IL1RAPL1: variants seen among roughly 807,000 people sequenced by gnomAD.
IL1RAPL1 encodes interleukin 1 receptor accessory protein like 1.
Under a neutral mutation model 48.4 loss-of-function variants are expected in IL1RAPL1, and 3 were observed. The ratio of observed to expected loss-of-function variants is 0.06; its 90% CI spans 0.03 to 0.16. IL1RAPL1 has a LOEUF of 0.16. Among genes scored for constraint, IL1RAPL1 ranks in the 10% least tolerant of loss-of-function variants. The pLI, the probability that IL1RAPL1 is intolerant of heterozygous loss-of-function variation, is 1.00. For synonymous variants in IL1RAPL1, 185 were observed against 187.7 expected (o/e 0.99, Z 0.12); for missense variants, 349 against 530.6 (o/e 0.66, Z 3.36).
intron 2 of IL1RAPL1, among the ~76,000 whole-genome samples, chrX:29,164,572 A>C (rs1441344065): frequency 9.0e-6 from 1 of 111,635 alleles, no homozygotes; most frequent in African/African-American, 3.3e-5. Flanking sequence ...TCCACATACT[A>C]TAAGAAGCCT....
chrX:29,158,596 C>T (rs982428761), intron 2 of IL1RAPL1, among the ~76,000 whole-genome samples: 2 of 110,673 alleles, frequency 1.8e-5, no homozygotes, highest in Non-Finnish European at 3.8e-5. Flanking sequence ...AGGCTGGTCT[C>T]GAACTCCTGA....
chrX:29,262,311 TG>T (rs1330010486), intron 2 of IL1RAPL1, among the ~76,000 whole-genome samples: 1 of 112,040 alleles, frequency 8.9e-6, no homozygotes, highest in Non-Finnish European at 1.9e-5. Flanking sequence ...ATTACCTCTT[TG>T]GTATATGAGT....
intron 6 of IL1RAPL1, among the ~76,000 whole-genome samples, chrX:29,876,663 T>A (rs184433917): frequency 2.1e-3 from 228 of 110,420 alleles, no homozygotes; most frequent in Non-Finnish European, 3.6e-3. Context: ...TGTAGTAGAG[T>A]GACCCAGCAA....
intron 5 of IL1RAPL1, among the ~76,000 whole-genome samples, chrX:29,404,912 TG>T (rs144210609): frequency 0.47 from 51,500 of 110,121 alleles, 8,868 homozygotes; most frequent in Admixed American, 0.56. Context: ...TTTGTTTGTT[TG>T]TTTGTTTTGT....
At chrX:29,540,671 G>A (rs1921409112) in intron 5 of IL1RAPL1, among the ~76,000 whole-genome samples, 1 of 111,501 alleles carries the variant, frequency 9.0e-6, no homozygotes, top group African/African-American at 3.3e-5. Context: ...ACAAAAATAA[G>A]CAATGGGGAA....
intron 3 of IL1RAPL1, among the ~76,000 whole-genome samples, chrX:29,320,721 A>G (rs534405520): frequency 1.8e-5 from 2 of 110,238 alleles, no homozygotes; most frequent in South Asian, 3.9e-4. Context: ...AGTCGAGATC[A>G]TGCCGCTGCA....
intron 1 of IL1RAPL1, among the ~76,000 whole-genome samples, chrX:28,761,836 C>T (rs1285790147): frequency 8.9e-6 from 1 of 111,922 alleles, no homozygotes; most frequent in Non-Finnish European, 1.9e-5. Context: ...AAAGAAAAAA[C>T]GGAGATAGTT....
chrX:29,802,809 A>ATATATATATATG (rs1225063433), intron 6 of IL1RAPL1, among the ~76,000 whole-genome samples: 1 of 46,811 alleles, frequency 2.1e-5, no homozygotes, highest in African/African-American at 1.2e-4. Flanking sequence ...ATATATATAT[A>ATATATATATATG]TGTGTGTATA....
chrX:29,691,225 T>G (rs754868422), intron 6 of IL1RAPL1, among the ~76,000 whole-genome samples: 5 of 111,810 alleles, frequency 4.5e-5, no homozygotes, highest in Non-Finnish European at 7.5e-5. Flanking sequence ...CCAGCTCATT[T>G]AAGTGCATTT....
intron 5 of IL1RAPL1, among the ~76,000 whole-genome samples, chrX:29,661,140 G>A (rs776624649): frequency 8.9e-6 from 1 of 111,995 alleles, no homozygotes; most frequent in South Asian, 3.7e-4. Context: ...TTTGTGTATA[G>A]AAATGCTACT....
chrX:29,916,091 A>G (rs1448945905), intron 6 of IL1RAPL1, among the ~76,000 whole-genome samples: 1 of 99,260 alleles, frequency 1.0e-5, no homozygotes, highest in East Asian at 3.2e-4. Context: ...ATCATTTTTT[A>G]TGGCTGCATA....
At chrX:29,364,016 G>A (rs925177786) in intron 3 of IL1RAPL1, among the ~76,000 whole-genome samples, 19 of 112,451 alleles carry the variant, frequency 1.7e-4, no homozygotes, top group Non-Finnish European at 3.2e-4. Context: ...GATATTTGCA[G>A]AAGAAAACTT....
chrX:29,580,861 C>T (rs1195653562), intron 5 of IL1RAPL1, among the ~76,000 whole-genome samples: 7 of 112,031 alleles, frequency 6.2e-5, no homozygotes, highest in Non-Finnish European at 1.3e-4. Context: ...ATTCCATTTT[C>T]CTCTACTATT....
intron 6 of IL1RAPL1, among the ~76,000 whole-genome samples, chrX:29,802,897 A>ATG: frequency 1.7e-5 from 1 of 57,393 alleles, no homozygotes; most frequent in Admixed American, 1.8e-4. Context: ...ATGTATACAT[A>ATG]TATATGTGTA....
At chrX:29,000,294 C>T (rs1161479893) in intron 2 of IL1RAPL1, among the ~76,000 whole-genome samples, 1 of 111,631 alleles carries the variant, frequency 9.0e-6, no homozygotes, top group African/African-American at 3.3e-5. Flanking sequence ...CTGGTTGAAG[C>T]TTATACGAAT....
At chrX:29,334,830 G>A (rs1179556115) in intron 3 of IL1RAPL1, among the ~76,000 whole-genome samples, 1 of 112,683 alleles carries the variant, frequency 8.9e-6, no homozygotes, top group Non-Finnish European at 1.9e-5. Flanking sequence ...TATCCCAGAC[G>A]ATGGGGGGCC....
chrX:29,395,011 C>G (rs1238664157), intron 3 of IL1RAPL1, among the ~76,000 whole-genome samples: 1 of 111,971 alleles, frequency 8.9e-6, no homozygotes, highest in Non-Finnish European at 1.9e-5. Flanking sequence ...GCTTAAATGT[C>G]AAAGCATTAG....
chrX:29,420,134 AT>A (rs1226122032), intron 5 of IL1RAPL1, among the ~76,000 whole-genome samples: 1 of 112,000 alleles, frequency 8.9e-6, no homozygotes, highest in Admixed American at 9.5e-5. Flanking sequence ...AATGGGGGGA[AT>A]TTGGTCACTG....
chrX:29,318,499 T>C (rs1176193718), intron 3 of IL1RAPL1, among the ~76,000 whole-genome samples: 1 of 112,345 alleles, frequency 8.9e-6, no homozygotes, highest in African/African-American at 3.2e-5. Flanking sequence ...TTATCCCCCT[T>C]TCTGTAGGTT....
Sources: allele counts gnomAD v4.1 joint callset (sites outside exome capture counted in the v4.1 genomes callset), GRCh38; gene constraint gnomAD v4.1.1; transcripts MANE v1.5; gene names NCBI Gene and HGNC (gene_info 2026-07-23, HGNC 2026-07-21).